Variants in CNTN5 observed in about 807,000 individuals in gnomAD.
CNTN5 encodes contactin 5.
A neutral mutation model predicts 129.1 loss-of-function variants in CNTN5; 77 were observed. The ratio of observed to expected loss-of-function variants is 0.60; its 90% confidence interval spans 0.50 to 0.72. The LOEUF (loss-of-function observed/expected upper bound fraction) is 0.72. CNTN5 is among the 30% of genes least tolerant of loss of function. The pLI is 0.00. For synonymous variants in CNTN5, 509 were observed against 465.6 expected, an observed-to-expected ratio of 1.09 and a Z score of -1.20; for missense variants, 1,478 against 1,328.8, an observed-to-expected ratio of 1.11 and a Z score of -1.75.
intron 3 of CNTN5, among the ~76,000 whole-genome samples, chr11:99,737,523 A>G (rs1426160766): frequency 2.6e-5 from 4 of 152,134 alleles, no homozygotes; most frequent in African/African-American, 9.7e-5. Context: ...TGCTTTTTCA[A>G]TTTCTTTATT....
Position 99,877,615 on chromosome 11 carries a change from A to C in CNTN5, c.577+32353A>C, listed in dbSNP as rs563182492. 4.2e-3 allele frequency among the ~76,000 whole-genome samples: 642 copies of C among 152,036 alleles called. 7 individuals are homozygous for C. Among genetic ancestry groups the C allele is most frequent in the African/African-American group, 0.015 (604 of 41,334 alleles). Reference sequence around the variant, plus strand: ...ATTTCTTCATAATCTTTAGTTTAAAAAAAAAATAAGGAAAGTGCTGTTTTA... The same window carrying C: ...ATTTCTTCATAATCTTTAGTTTAAACAAAAAATAAGGAAAGTGCTGTTTTA... On this transcript the variant is annotated intron_variant, in intron 6 of 24. Coordinates refer to ENST00000524871, the MANE Select transcript of CNTN5 (RefSeq NM_014361.4).
At chr11:99,967,507 A>G (rs1047747122) in intron 8 of CNTN5, among the ~76,000 whole-genome samples, 5 of 152,094 alleles carry the variant, frequency 3.3e-5, no homozygotes, top group Non-Finnish European at 7.4e-5. Context: ...GCACTCTGGG[A>G]TTTGCCTGTC....
chr11:100,067,192 C>A (rs1427894650), intron 10 of CNTN5, among the ~76,000 whole-genome samples: 1 of 151,876 alleles, frequency 6.6e-6, no homozygotes, highest in African/African-American at 2.4e-5. Context: ...ATTCCCATAG[C>A]CTTAATGTTA....
At chr11:100,069,364 G>T (rs932821911) in intron 10 of CNTN5, among the ~76,000 whole-genome samples, 14 of 151,260 alleles carry the variant, frequency 9.3e-5, no homozygotes, top group Admixed American at 8.6e-4. Context: ...TCACCATGTT[G>T]CCCGAGCTGG....
intron 1 of CNTN5, among the ~76,000 whole-genome samples, chr11:99,275,714 G>T (rs1390219041): frequency 6.6e-6 from 1 of 151,642 alleles, no homozygotes; most frequent in Non-Finnish European, 1.5e-5. Flanking sequence ...TGACCATATA[G>T]TCTGTCATCA....
intron 1 of CNTN5, among the ~76,000 whole-genome samples, chr11:99,088,581 G>A (rs1334795042): frequency 6.6e-6 from 1 of 152,088 alleles, no homozygotes; most frequent in Non-Finnish European, 1.5e-5. Flanking sequence ...AGAAGGTGTG[G>A]GAAAAGCAAC....
chr11:99,735,169 T>G (rs912953906), intron 3 of CNTN5, among the ~76,000 whole-genome samples: 4 of 152,238 alleles, frequency 2.6e-5, no homozygotes, highest in African/African-American at 7.2e-5. Context: ...GGAGCTTACC[T>G]TTTAGAAGAG....
chr11:99,611,945 C>T (rs1051680782), intron 3 of CNTN5, among the ~76,000 whole-genome samples: 4 of 152,028 alleles, frequency 2.6e-5, no homozygotes, highest in African/African-American at 9.7e-5. Flanking sequence ...GAATTTATTC[C>T]ATATGGGAGA....
intron 9 of CNTN5, among the ~76,000 whole-genome samples, chr11:100,009,352 A>G (rs1166769309): frequency 1.3e-5 from 2 of 152,084 alleles, no homozygotes; most frequent in African/African-American, 2.4e-5. Context: ...ATCATGCTAT[A>G]CTGTCTGTAA....
At chr11:100,159,729 G>C (rs1315262264) in intron 13 of CNTN5, among the ~76,000 whole-genome samples, 3 of 151,900 alleles carry the variant, frequency 2.0e-5, no homozygotes, top group Non-Finnish European at 4.4e-5. Context: ...AGATAACAAG[G>C]TGACAATAGA....
intron 3 of CNTN5, among the ~76,000 whole-genome samples, chr11:99,679,403 A>G (rs77131551): frequency 1.1e-4 from 16 of 152,034 alleles, no homozygotes; most frequent in African/African-American, 2.2e-4. Context: ...GCATGTGTTC[A>G]CTCTACCTTT....
chr11:99,275,439 A>G (rs1205006681), intron 1 of CNTN5, among the ~76,000 whole-genome samples: 2 of 151,664 alleles, frequency 1.3e-5, no homozygotes, highest in Non-Finnish European at 3.0e-5. Flanking sequence ...CTCTGCTGAT[A>G]AAACATGCCT....
chr11:99,107,284 G>A (rs1277229338), intron 1 of CNTN5, among the ~76,000 whole-genome samples: 6 of 152,176 alleles, frequency 3.9e-5, no homozygotes, highest in Middle Eastern at 3.4e-3. Flanking sequence ...GTAAGTGGCC[G>A]TCTATGAAAG....
rs796348652 is a variant in CNTN5 at position 99,836,124 on chromosome 11, GT to G, written c.278-8714del. On this transcript the variant is annotated intron_variant, in intron 4 of 24. Coordinates refer to ENST00000524871, the MANE Select transcript of CNTN5 (RefSeq NM_014361.4). ...GGGTGGTTTGTTCATGCCTCCCCTT[GT>G]TTTTTTTTTTTTTAATTTTTCTTTT... Among the ~76,000 whole-genome samples the G allele has an allele frequency of 2.3e-3, 305 of 134,532 alleles. 1 individual carries two copies. The highest frequency in any genetic ancestry group is 4.1e-3 in the Middle Eastern group (1 of 246). The allele number at this position is 134,532 out of a possible 152,430, so 88.3% of individuals were successfully genotyped here.
At position 99,935,035 on chromosome 11, in the gene CNTN5, A is replaced by G. The variant is rs559965611; in HGVS notation, c.673+18886A>G. Among the ~76,000 whole-genome samples, 21 of 149,924 alleles carry G rather than the reference A, an allele frequency of 1.4e-4. No individual in the cohort carries two copies. In the South Asian group the frequency reaches 4.2e-3, roughly 30 times the overall value. ...AAAGTACTAATATCTAGAAAATGGA[A>G]ATACATCTCCAGCATATATCTTCAC... is the stretch of plus-strand genomic sequence containing the variant. On this transcript the variant is annotated intron_variant, in intron 7 of 24. Coordinates refer to ENST00000524871, the MANE Select transcript of CNTN5 (RefSeq NM_014361.4).
chr11:100,125,728 A>T (rs1565264752), intron 13 of CNTN5, among the ~76,000 whole-genome samples: 1 of 152,042 alleles, frequency 6.6e-6, no homozygotes, highest in Non-Finnish European at 1.5e-5. Context: ...GTGGTCTATC[A>T]ATTTTGCTTA....
At chr11:99,248,322 T>C (rs11826373) in intron 1 of CNTN5, among the ~76,000 whole-genome samples, 21,635 of 152,174 alleles carry the variant, frequency 0.14, 1,791 homozygotes, top group Middle Eastern at 0.24. Context: ...TGTTTTTTTC[T>C]TGTAAATTTG....
intron 8 of CNTN5, among the ~76,000 whole-genome samples, chr11:99,982,324 T>C (rs796502605): frequency 3.3e-5 from 5 of 152,150 alleles, no homozygotes; most frequent in Admixed American, 2.0e-4. Context: ...ACCACTGATG[T>C]TACAAGAAAG....
chr11:100,134,689 A>G (rs1428007736), intron 13 of CNTN5, among the ~76,000 whole-genome samples: 1 of 152,164 alleles, frequency 6.6e-6, no homozygotes, highest in Non-Finnish European at 1.5e-5. Flanking sequence ...GCACATTCTG[A>G]TCATCCATCA....
Sources: gnomAD v4.1 joint callset for allele counts (sites outside exome capture counted in the v4.1 genomes callset) on GRCh38, gnomAD v4.1.1 for gene constraint, MANE v1.5 for transcripts, NCBI Gene and HGNC (gene_info 2026-07-23, HGNC 2026-07-21) for gene names.